The following PLEKHA1 variants were observed in gnomAD, a reference collection of about 807,000 sequenced individuals.
PLEKHA1 encodes pleckstrin homology domain-containing family A member 1.
A neutral mutation model predicts 52.0 loss-of-function variants in PLEKHA1; 34 were observed. The ratio of observed to expected loss-of-function variants is 0.65; its 90% CI spans 0.50 to 0.87. The LOEUF (loss-of-function observed/expected upper bound fraction) is 0.87. PLEKHA1 is among the 40% of genes least tolerant of loss of function. The pLI, the probability that PLEKHA1 is intolerant of heterozygous loss-of-function variation, is 0.00. For missense variants in PLEKHA1, 497 were observed against 504.2 expected (o/e 0.99, Z 0.14); for synonymous variants, 163 against 170.7 (o/e 0.95, Z 0.35).
At chr10:122,384,557 C>T (rs999382874) in intron 1 of PLEKHA1, among the ~76,000 whole-genome samples, 3 of 145,552 alleles carry the variant, frequency 2.1e-5, no homozygotes, top group East Asian at 2.0e-4. Flanking sequence ...TGCAGTGCGC[C>T]GAGATCGTGC....
intron 10 of PLEKHA1, among the ~76,000 whole-genome samples, chr10:122,426,289 T>C (rs1565332833): frequency 1.4e-5 from 2 of 147,190 alleles, no homozygotes; most frequent in African/African-American, 5.0e-5. Context: ...TGGCTACTTG[T>C]ATTTTTTTTT....
At chr10:122,380,547 G>A (rs1297480155) in intron 1 of PLEKHA1, among the ~76,000 whole-genome samples, 2 of 152,202 alleles carry the variant, frequency 1.3e-5, no homozygotes, top group African/African-American at 4.8e-5. Context: ...ATCTTGTCTG[G>A]TGAGTCCAGC....
chr10:122,376,145 C>G (rs2096531367), intron 1 of PLEKHA1, among the ~76,000 whole-genome samples: 1 of 152,138 alleles, frequency 6.6e-6, no homozygotes, highest in Admixed American at 6.5e-5. Context: ...TTTTTCTTCA[C>G]AATCTGAAGA....
chr10:122,420,520 C>T (rs2097244771), intron 8 of PLEKHA1: 1 of 152,170 alleles, frequency 6.6e-6, no homozygotes. Flanking sequence ...CTAGATGTCT[C>T]CCATTTCATC....
At chr10:122,394,538 G>A (rs2096824467) in intron 2 of PLEKHA1, among the ~76,000 whole-genome samples, 1 of 152,116 alleles carries the variant, frequency 6.6e-6, no homozygotes, top group Non-Finnish European at 1.5e-5. Context: ...GGAAGGTCTA[G>A]GGAAGAGCAG....
At chr10:122,428,412 T>C in intron 11 of PLEKHA1, 8 of 1,467,150 alleles carry the variant, frequency 5.5e-6, no homozygotes, top group Non-Finnish European at 6.3e-6. Flanking sequence ...TTACAACTGA[T>C]CATAGAAAGT....
intron 1 of PLEKHA1, among the ~76,000 whole-genome samples, chr10:122,384,626 AAT>A (rs1162898241): frequency 1.1e-4 from 15 of 138,648 alleles, no homozygotes; most frequent in Non-Finnish European, 2.2e-4. Context: ...AAAAAAAAAA[AAT>A]GACTTGTAGT....
At chr10:122,403,408 A>C (rs918385019) in intron 4 of PLEKHA1, among the ~76,000 whole-genome samples, 25 of 152,210 alleles carry the variant, frequency 1.6e-4, no homozygotes, top group African/African-American at 6.0e-4. Flanking sequence ...TTGTGAGATG[A>C]TTTTTGTTTG....
At chr10:122,424,292 G>C (rs1180348836) in intron 9 of PLEKHA1, 29 bp downstream of exon 9, 6 of 1,571,894 alleles carry the variant, frequency 3.8e-6, no homozygotes, top group Non-Finnish European at 5.1e-6. Context: ...TTGATGCCTG[G>C]CACAAGTTAT....
At chr10:122,401,276 G>A (rs1017176145) in intron 4 of PLEKHA1, among the ~76,000 whole-genome samples, 1 of 152,194 alleles carries the variant, frequency 6.6e-6, no homozygotes, top group African/African-American at 2.4e-5. Flanking sequence ...CAAAGGAGAA[G>A]AAAAAGAGAG....
rs767145828 is a variant in PLEKHA1, at chr10:122,429,945, A to G, written c.*7A>G. 17 of 1,602,050 alleles carry G rather than the reference A, an allele frequency of 1.1e-5. No homozygotes were observed. Among genetic ancestry groups the G allele is most frequent in the African/African-American group, 1.3e-5 (1 of 74,702 alleles). On this transcript the variant is annotated 3_prime_UTR_variant, in exon 12 of 12. Transcript: ENST00000368990. ...TCCGGTCAGTGACGTGTGAGGCAGA[A>G]GCGCACGGAGCCTGCCTGCCTCTGC... is the stretch of plus-strand genomic sequence containing the variant.
At chr10:122,411,713 AT>A (rs1457480756) in intron 5 of PLEKHA1, 8 of 152,212 alleles carry the variant, frequency 5.3e-5, no homozygotes, top group African/African-American at 1.7e-4. Flanking sequence ...AGTTTGAGAA[AT>A]CACACTGCTT....
At position 122,393,408 on chromosome 10, in the gene PLEKHA1, A is replaced by C; in HGVS notation, c.141+67A>C. On this transcript the variant is annotated intron_variant, in intron 2 of 11. Transcript: ENST00000368990. The surrounding 1 kb of genome is among the most constrained non-coding windows in gnomAD (Gnocchi z 4.5). The stretch of plus-strand genomic sequence containing the variant: ...GTTGTATTTAAGTATTTAACATACT[A>C]TACAGGCTTTAGATTTGTCTTCTTA... The C allele has an allele frequency of 7.4e-7, 1 of 1,343,650 alleles. No individual in the cohort carries two copies. The highest frequency in any genetic ancestry group is 1.6e-5 in the South Asian group (1 of 61,460). The allele number at this position is 1,343,650 out of a possible 1,614,324, so 83.2% of individuals were successfully genotyped here.
At chr10:122,403,896 T>C (rs2096966951) in intron 4 of PLEKHA1, among the ~76,000 whole-genome samples, 1 of 152,172 alleles carries the variant, frequency 6.6e-6, no homozygotes, top group African/African-American at 2.4e-5. Context: ...TTCACCATGT[T>C]GGCCAGGCTT....
chr10:122,417,902 G>A lies in PLEKHA1; in HGVS notation c.615G>A (p.Met205Ile). 1 of 1,609,482 alleles carries A rather than the reference G, an allele frequency of 6.2e-7. No individual in the cohort carries two copies. Among genetic ancestry groups the A allele is most frequent in the Non-Finnish European group, 8.5e-7 (1 of 1,176,632 alleles). ...ATGTCTGTGTTCATCTCTGGTAGATGAAAAACTGGAAGAGAAGATATTTTC... is the reference window on the plus strand; with the variant it reads ...ATGTCTGTGTTCATCTCTGGTAGATAAAAAACTGGAAGAGAAGATATTTTC... ...AGYCVKQGAVMKNWKRRYFQL... is the reference protein window; with the variant it reads ...AGYCVKQGAVIKNWKRRYFQL... Residue 205 changes from methionine to isoleucine, a missense_variant and splice_region_variant, in exon 8 of 12, where the codon ATG becomes ATA. Physicochemically the swap from Met to Ile is conservative, Grantham distance 10. Transcript: ENST00000368990.
chr10:122,384,710 T>G (rs1053635641), intron 1 of PLEKHA1, among the ~76,000 whole-genome samples: 1 of 152,118 alleles, frequency 6.6e-6, no homozygotes, highest in Non-Finnish European at 1.5e-5. Context: ...CCCAGCACTT[T>G]GGGAGGCCAA....
At chr10:122,401,865 C>T (rs1409717048) in intron 4 of PLEKHA1, among the ~76,000 whole-genome samples, 1 of 152,060 alleles carries the variant, frequency 6.6e-6, no homozygotes, top group Non-Finnish European at 1.5e-5. Flanking sequence ...TCTTTGCTCT[C>T]TTTTGCTTGA....
At chr10:122,439,356 G>A in the PLEKHA1 span, 1 of 144,208 alleles carries the variant, frequency 6.9e-6, no homozygotes, top group African/African-American at 2.6e-5. Flanking sequence ...GTTTTGTGGT[G>A]TTTTACTAGC....
intron 1 of PLEKHA1, among the ~76,000 whole-genome samples, chr10:122,391,398 G>A (rs1214178394): frequency 1.3e-5 from 2 of 152,056 alleles, no homozygotes; most frequent in East Asian, 3.9e-4. Context: ...AAGTTTTCTG[G>A]TTTTAGCTCT....
Sources: allele counts gnomAD v4.1 joint callset (sites outside exome capture counted in the v4.1 genomes callset), GRCh38; gene constraint gnomAD v4.1.1; non-coding constraint Gnocchi (gnomAD v3.1); transcripts MANE v1.5; gene names NCBI Gene and HGNC (gene_info 2026-07-23, HGNC 2026-07-21).